ZP3: variants seen among roughly 807,000 people sequenced by gnomAD.
ZP3 encodes zona pellucida glycoprotein 3, also known as zona pellucida sperm-binding protein 3.
Under a neutral mutation model 35.6 loss-of-function variants are expected in ZP3, and 21 were observed. That is an observed-to-expected ratio of 0.59 (90% CI 0.42 to 0.85). The LOEUF (loss-of-function observed/expected upper bound fraction) is 0.85, where lower values mean the gene tolerates loss of function less well. ZP3 is among the 40% of genes least tolerant of loss of function. The probability of loss-of-function intolerance (pLI) is 0.00; values close to 1 mark genes in which losing one functional copy is unlikely to be tolerated. For missense variants in ZP3, 437 were observed against 536.5 expected (o/e 0.81, Z 1.83); for synonymous variants, 207 against 214.5 (o/e 0.96, Z 0.31).
chr7:76,413,763 T>C (rs1395229702), intron 1 of ZP3, among the ~76,000 whole-genome samples: 2 of 150,684 alleles, frequency 1.3e-5, no homozygotes, highest in African/African-American at 2.4e-5. Context: ...AACTCTGAGG[T>C]TGAAGTAATC....
rs770541886 is a variant in ZP3 at position 76,397,661 on chromosome 7, G to T, written c.-203G>T. On this transcript the variant is annotated 5_prime_UTR_variant, in exon 1 of 9. Transcript: ENST00000336517. Reference sequence around the variant, plus strand: ...GTGTCCGGTGCCATAGCCGAAGAAGGCGTTGGTGGTGGCGGCCATGGCCGC... The same window carrying T: ...GTGTCCGGTGCCATAGCCGAAGAAGTCGTTGGTGGTGGCGGCCATGGCCGC... 2.5e-6 allele frequency: 4 copies of T among 1,613,644 alleles called. No individual in the cohort carries two copies. In the African/African-American group the frequency reaches 5.3e-5, roughly 22 times the overall value.
chr7:76,438,487 G>A (rs545014803), intron 5 of ZP3, among the ~76,000 whole-genome samples: 382 of 150,352 alleles, frequency 2.5e-3, no homozygotes, highest in Non-Finnish European at 4.1e-3. Context: ...AAACCTCGGA[G>A]GTAGTGGCTA....
Position 76,401,119 on chromosome 7 carries a change from A to C in ZP3, c.-67+3322A>C, listed in dbSNP as rs1379537099. The C allele has an allele frequency of 4.1e-6, 6 of 1,465,600 alleles. No individual in the cohort carries two copies. The African/African-American group carries it at 5.7e-5, about 14-fold the overall frequency. The allele number at this position is 1,465,600 out of a possible 1,614,324, so 90.8% of individuals were successfully genotyped here. ...CCTGGTCCCAGGAACACACCCCCCAACTCCCACAGTCCTCAACATTACCCC... is the reference window on the plus strand; with the variant it reads ...CCTGGTCCCAGGAACACACCCCCCACCTCCCACAGTCCTCAACATTACCCC... On this transcript the variant is annotated intron_variant, in intron 1 of 8. Transcript: ENST00000336517.
chr7:76,438,518 TAG>T (rs1411922399), intron 5 of ZP3, among the ~76,000 whole-genome samples: 1 of 125,444 alleles, frequency 8.0e-6, no homozygotes, highest in Non-Finnish European at 1.6e-5. Context: ...CAGCCTGGAC[TAG>T]AGACAGACTC....
At chr7:76,431,141 C>CT (rs1356296391) in intron 2 of ZP3, among the ~76,000 whole-genome samples, 4 of 152,200 alleles carry the variant, frequency 2.6e-5, no homozygotes, top group African/African-American at 9.7e-5. Context: ...TCAATGAGGC[C>CT]TGACCCATGG....
upstream of ZP3, among the ~76,000 whole-genome samples, chr7:76,423,160 G>C (rs1040550460): frequency 6.6e-6 from 1 of 150,648 alleles, no homozygotes; most frequent in Non-Finnish European, 1.5e-5. Flanking sequence ...CATAAAGGAG[G>C]CAGCATGAGA....
intron 1 of ZP3, among the ~76,000 whole-genome samples, chr7:76,410,311 G>A (rs936581438): frequency 2.7e-5 from 4 of 150,666 alleles, no homozygotes; most frequent in Non-Finnish European, 4.4e-5. Flanking sequence ...GTTTACAGGT[G>A]TGAGCCACCG....
chr7:76,437,245 G>A (rs1237167945), intron 5 of ZP3, among the ~76,000 whole-genome samples: 3 of 139,012 alleles, frequency 2.2e-5, no homozygotes, highest in Non-Finnish European at 4.5e-5. Context: ...GCATGATCTC[G>A]GTTCACTGCA....
upstream of ZP3, among the ~76,000 whole-genome samples, chr7:76,424,325 C>G (rs894875570): frequency 6.6e-6 from 1 of 152,122 alleles, no homozygotes; most frequent in African/African-American, 2.4e-5. Flanking sequence ...GATTTACAAG[C>G]TAAAAACTTT....
intron 1 of ZP3, chr7:76,400,913 G>A: frequency 1.3e-6 from 2 of 1,491,354 alleles, no homozygotes; most frequent in Non-Finnish European, 1.8e-6. Flanking sequence ...GAGTCAAGGG[G>A]GGCTGGTTAG....
chr7:76,413,194 C>T (rs1452043679), intron 1 of ZP3, among the ~76,000 whole-genome samples: 2 of 151,652 alleles, frequency 1.3e-5, no homozygotes, highest in Non-Finnish European at 2.9e-5. Context: ...AACTCCTGAC[C>T]TCATGGCCTC....
At chr7:76,427,057 T>A (rs1267235373) in intron 1 of ZP3, among the ~76,000 whole-genome samples, 1 of 151,846 alleles carries the variant, frequency 6.6e-6, no homozygotes, top group Non-Finnish European at 1.5e-5. Context: ...CCTCTTTTAT[T>A]AACCCCACCT....
chr7:76,432,350 G>A (rs189739511), intron 2 of ZP3, among the ~76,000 whole-genome samples: 9 of 151,982 alleles, frequency 5.9e-5, no homozygotes, highest in Admixed American at 2.0e-4. Context: ...CACCATGCCC[G>A]GATAATTTTA....
intron 5 of ZP3, among the ~76,000 whole-genome samples, chr7:76,436,570 G>A: frequency 6.6e-6 from 1 of 152,218 alleles, no homozygotes; most frequent in Non-Finnish European, 1.5e-5. Flanking sequence ...CTTGTGGGAA[G>A]AGAAAGATCA....
chr7:76,438,198 A>G lies in ZP3; in HGVS notation c.832-2052A>G, dbSNP rs1413331863. Reference sequence around the variant, plus strand: ...ACTGACCTGGGGACGGGCCAAGGCTAGACTGAGCCCTGGCTCTGTCAGAAT... The same window carrying G: ...ACTGACCTGGGGACGGGCCAAGGCTGGACTGAGCCCTGGCTCTGTCAGAAT... On this transcript the variant is annotated intron_variant, in intron 5 of 7. Coordinates refer to ENST00000394857, the MANE Select transcript of ZP3 (RefSeq NM_001110354.2). 2.0e-5 allele frequency among the ~76,000 whole-genome samples: 3 copies of G among 152,156 alleles called. No homozygotes were observed. The East Asian group carries it at 5.8e-4, about 29-fold the overall frequency.
intron 5 of ZP3, among the ~76,000 whole-genome samples, chr7:76,438,435 G>A (rs187243636): frequency 9.2e-5 from 14 of 151,610 alleles, no homozygotes; most frequent in East Asian, 7.8e-4. Flanking sequence ...GTGGGTACCC[G>A]TAATCCCATC....
intron 5 of ZP3, among the ~76,000 whole-genome samples, chr7:76,437,332 C>T (rs142203021): frequency 8.5e-5 from 13 of 152,234 alleles, no homozygotes; most frequent in East Asian, 3.9e-4. Flanking sequence ...TCAATCACCA[C>T]GCCTGGCTAA....
At chr7:76,423,039 G>GAAAGAAA (rs1563695506), upstream of ZP3, among the ~76,000 whole-genome samples, 9 of 133,616 alleles carry the variant, frequency 6.7e-5, 1 homozygote, top group Non-Finnish European at 1.3e-4. Context: ...AAGAAAGAAA[G>GAAAGAAA]AAAGAAAGAA....
intron 1 of ZP3, among the ~76,000 whole-genome samples, chr7:76,428,205 T>A (rs772919886): frequency 5.3e-5 from 8 of 150,828 alleles, no homozygotes; most frequent in Admixed American, 1.3e-4. Context: ...TGCCTGTAAT[T>A]CCAGCTACTC....
Sources: allele counts gnomAD v4.1 joint callset (sites outside exome capture counted in the v4.1 genomes callset), GRCh38; gene constraint gnomAD v4.1.1; transcripts MANE v1.5; gene names NCBI Gene and HGNC (gene_info 2026-07-23, HGNC 2026-07-21).